Variants in FHIT observed in about 807,000 individuals in gnomAD.
FHIT encodes fragile histidine triad diadenosine triphosphatase.
Under a neutral mutation model 17.9 loss-of-function variants are expected in FHIT, and 19 were observed. That is an observed-to-expected ratio of 1.06 (90% CI 0.74 to 1.56). The LOEUF (loss-of-function observed/expected upper bound fraction) is 1.56, where lower values mean the gene tolerates loss of function less well. Ranked by LOEUF, FHIT falls within the 40% of genes most tolerant of loss-of-function variation. The pLI, the probability that FHIT is intolerant of heterozygous loss-of-function variation, is 0.00. For synonymous variants in FHIT, 81 were observed against 69.7 expected (o/e 1.16, Z -0.81); for missense variants, 248 against 189.2 (o/e 1.31, Z -1.82).
chr3:59,923,987 T>C (rs923512220), intron 7 of FHIT, among the ~76,000 whole-genome samples: 11 of 152,136 alleles, frequency 7.2e-5, no homozygotes, highest in Admixed American at 1.3e-4. Flanking sequence ...CTCTCAGCAA[T>C]TGGGCCAAGT....
chr3:60,918,662 C>A (rs1240339807), intron 3 of FHIT, among the ~76,000 whole-genome samples: 1 of 152,082 alleles, frequency 6.6e-6, no homozygotes, highest in Non-Finnish European at 1.5e-5. Flanking sequence ...GAGAGCACAG[C>A]AGGGGCAGAC....
chr3:60,182,751 G>T (rs1576267811), intron 5 of FHIT, among the ~76,000 whole-genome samples: 1 of 151,892 alleles, frequency 6.6e-6, no homozygotes, highest in Non-Finnish European at 1.5e-5. Flanking sequence ...CCACTGCACT[G>T]CAGCCTGGGT....
intron 2 of FHIT, among the ~76,000 whole-genome samples, chr3:61,152,055 AT>A (rs1284353979): frequency 1.3e-5 from 2 of 152,066 alleles, no homozygotes; most frequent in African/African-American, 4.8e-5. Flanking sequence ...CCATCATACC[AT>A]TTTTTTAAGT....
chr3:60,291,692 T>C lies in FHIT; in HGVS notation c.103+245168A>G, dbSNP rs951546423. ...TTACCCTTACTATCTGCTTAAATAA[T>C]TTCTTTCCACTTCCTGTGTCAAAAT... On this transcript the variant is annotated intron_variant, in intron 5 of 9. Transcript: ENST00000492590. Among the ~76,000 whole-genome samples the C allele has an allele frequency of 2.0e-5, 3 of 152,290 alleles. No homozygotes were observed. The East Asian group carries it at 5.8e-4, about 29-fold the overall frequency.
At chr3:60,280,042 A>G (rs1034022012) in intron 5 of FHIT, among the ~76,000 whole-genome samples, 2 of 151,746 alleles carry the variant, frequency 1.3e-5, no homozygotes, top group African/African-American at 4.8e-5. Context: ...AAAAAAAAAA[A>G]AAAAAACAAT....
At chr3:60,515,362 C>T (rs966709766) in intron 5 of FHIT, among the ~76,000 whole-genome samples, 5 of 152,034 alleles carry the variant, frequency 3.3e-5, no homozygotes, top group Non-Finnish European at 5.9e-5. Context: ...TATACATTTA[C>T]GGGACGTGAA....
intron 3 of FHIT, among the ~76,000 whole-genome samples, chr3:60,860,438 C>CAT (rs1478989632): frequency 5.7e-5 from 7 of 122,792 alleles, no homozygotes; most frequent in Non-Finnish European, 8.6e-5. Flanking sequence ...ACATATATAT[C>CAT]ATGTATATAT....
Position 61,010,968 on chromosome 3 carries a change from T to A in FHIT, c.-111+31079A>T, listed in dbSNP as rs971033753. The stretch of plus-strand genomic sequence containing the variant: ...TGTTGTTATAATTATAGGTAAAAGA[T>A]AAATTCTTGGAAAATAATTTTAATT... On this transcript the variant is annotated intron_variant, in intron 3 of 9. Transcript: ENST00000492590. Among the ~76,000 whole-genome samples, 10 of 152,346 alleles carry A rather than the reference T, an allele frequency of 6.6e-5. No individual in the cohort carries two copies. The South Asian group carries it at 2.1e-3, about 32-fold the overall frequency.
Position 60,023,562 on chromosome 3 carries a change from G to GACAACA in FHIT, c.104-9411_104-9410insTGTTGT, listed in dbSNP as rs1448524544. 2.6e-5 allele frequency among the ~76,000 whole-genome samples: 4 copies of GACAACA among 152,258 alleles called. No individual in the cohort carries two copies. In the East Asian group the frequency reaches 5.8e-4, roughly 22 times the overall value. On this transcript the variant is annotated intron_variant, in intron 5 of 9. Transcript: ENST00000492590. ...CAGTTTCCCTCAGATCTTCCATATA[G>GACAACA]CTGGCCAAGCCAATGGAGCAACCAG...
At chr3:60,422,282 G>C (rs1006863176) in intron 5 of FHIT, among the ~76,000 whole-genome samples, 1 of 152,118 alleles carries the variant, frequency 6.6e-6, no homozygotes, top group African/African-American at 2.4e-5. Flanking sequence ...GGTGAGAACA[G>C]CCAATAAAGC....
chr3:61,123,015 A>G (rs1010062408), intron 2 of FHIT, among the ~76,000 whole-genome samples: 1 of 152,232 alleles, frequency 6.6e-6, no homozygotes, highest in Non-Finnish European at 1.5e-5. Context: ...ATATACCCAA[A>G]GGATTATAAA....
intron 5 of FHIT, among the ~76,000 whole-genome samples, chr3:60,241,375 T>C (rs976832892): frequency 6.6e-6 from 1 of 152,190 alleles, no homozygotes; most frequent in African/African-American, 2.4e-5. Context: ...GTCAAATTTA[T>C]ATTAAAAATC....
At chr3:60,892,593 G>A (rs1186287200) in intron 3 of FHIT, among the ~76,000 whole-genome samples, 2 of 152,132 alleles carry the variant, frequency 1.3e-5, no homozygotes, top group African/African-American at 4.8e-5. Flanking sequence ...CTCCTGAGAA[G>A]GTGGGAAAAA....
Position 60,684,353 on chromosome 3 carries a change from C to T in FHIT, c.-18+137566G>A, listed in dbSNP as rs533422760. 4.6e-5 allele frequency among the ~76,000 whole-genome samples: 7 copies of T among 152,212 alleles called. No individual in the cohort carries two copies. The South Asian group carries it at 1.5e-3, about 32-fold the overall frequency. On this transcript the variant is annotated intron_variant, in intron 4 of 9. Transcript: ENST00000492590. The stretch of plus-strand genomic sequence containing the variant: ...TTTTTTTTGCAAACAAGGTCACATT[C>T]ACAAGCTCTAGAAATTTGATGTGGA...
At chr3:60,228,573 C>T (rs1356028376) in intron 5 of FHIT, among the ~76,000 whole-genome samples, 1 of 152,182 alleles carries the variant, frequency 6.6e-6, no homozygotes, top group Non-Finnish European at 1.5e-5. Flanking sequence ...AGCCCTACCG[C>T]TTCTCAGCTT....
chr3:60,569,748 TA>T lies in FHIT; in HGVS notation c.-17-32770del, dbSNP rs1559547710. On this transcript the variant is annotated intron_variant, in intron 4 of 9. Coordinates refer to ENST00000492590, the MANE Select transcript of FHIT (RefSeq NM_002012.4). ...TACTATATATATATATATATATATA[TA>T]TATATATTTTTTTTTTTTTTAGACA... 4.3e-3 allele frequency among the ~76,000 whole-genome samples: 316 copies of T among 72,718 alleles called. 2 individuals carry two copies. Among genetic ancestry groups the T allele is most frequent in the African/African-American group, 5.0e-3 (90 of 17,824 alleles). The allele number at this position is 72,718 out of a possible 152,430, so 47.7% of individuals were successfully genotyped here.
chr3:60,096,393 A>T (rs917434368), intron 5 of FHIT, among the ~76,000 whole-genome samples: 3 of 152,226 alleles, frequency 2.0e-5, no homozygotes, highest in East Asian at 3.9e-4. Flanking sequence ...TCGAAAAAGC[A>T]ACATTAGATT....
At chr3:59,868,049 A>ATTTT (rs1237659156) in intron 8 of FHIT, among the ~76,000 whole-genome samples, 19 of 101,950 alleles carry the variant, frequency 1.9e-4, no homozygotes, top group African/African-American at 7.1e-4. Flanking sequence ...TTTTTTTTTA[A>ATTTT]AAAAAAAAAA....
intron 1 of FHIT, among the ~76,000 whole-genome samples, chr3:61,204,281 G>C (rs115389772): frequency 6.6e-6 from 1 of 152,064 alleles, no homozygotes; most frequent in South Asian, 2.1e-4. Context: ...GGAATGGGGG[G>C]GCTTCTGGAA....
Sources: gnomAD v4.1 joint callset for allele counts (sites outside exome capture counted in the v4.1 genomes callset) on GRCh38, gnomAD v4.1.1 for gene constraint, MANE v1.5 for transcripts, NCBI Gene and HGNC (gene_info 2026-07-23, HGNC 2026-07-21) for gene names.